KLHL32: variants seen among roughly 807,000 people sequenced by gnomAD.
KLHL32 encodes kelch-like protein 32.
In KLHL32, 35 loss-of-function variants were observed where a neutral mutation model predicts 64.8. The observed-to-expected ratio is 0.54, with a 90% confidence interval of 0.41 to 0.72. KLHL32 has a LOEUF of 0.72. Ranked by LOEUF, KLHL32 falls within the 30% of genes least tolerant of loss-of-function variation. The pLI is 0.00. For synonymous variants in KLHL32, 259 were observed against 281.0 expected (o/e 0.92, Z 0.78); for missense variants, 589 against 768.5 (o/e 0.77, Z 2.76).
At chr6:97,091,981 C>CTTTTTTTTTTTTTT (rs11340950) in intron 6 of KLHL32, among the ~76,000 whole-genome samples, 4 of 132,380 alleles carry the variant, frequency 3.0e-5, no homozygotes, top group Non-Finnish European at 3.3e-5. Context: ...CTCTTTCTTT[C>CTTTTTTTTTTTTTT]TTTTTTTTTT....
intron 10 of KLHL32, among the ~76,000 whole-genome samples, chr6:97,138,832 G>A (rs904637789): frequency 6.6e-6 from 1 of 152,184 alleles, no homozygotes; most frequent in Non-Finnish European, 1.5e-5. Flanking sequence ...GTCTAAGGCA[G>A]TTTTCTTAAA....
At chr6:96,932,559 CA>C (rs1770041082) in intron 1 of KLHL32, among the ~76,000 whole-genome samples, 1 of 132,720 alleles carries the variant, frequency 7.5e-6, no homozygotes. Flanking sequence ...ACAAAGTTGT[CA>C]ATTTCCCCCC....
chr6:97,134,991 A>T (rs1433218443), intron 10 of KLHL32, among the ~76,000 whole-genome samples: 1 of 152,222 alleles, frequency 6.6e-6, no homozygotes, highest in Admixed American at 6.5e-5. Flanking sequence ...TCCACAAGAA[A>T]TGAAGAGGTA....
chr6:97,071,739 T>G (rs938379439), intron 5 of KLHL32, among the ~76,000 whole-genome samples: 3 of 152,196 alleles, frequency 2.0e-5, no homozygotes, highest in Non-Finnish European at 4.4e-5. Context: ...TAGTGTTGGT[T>G]TAGCCATTTA....
chr6:97,095,324 T>A (rs1441929960), intron 6 of KLHL32, among the ~76,000 whole-genome samples: 1 of 152,142 alleles, frequency 6.6e-6, no homozygotes, highest in Non-Finnish European at 1.5e-5. Context: ...TCCAATAAAG[T>A]GTAAATAATG....
chr6:97,019,015 A>T (rs2128102350), intron 3 of KLHL32, among the ~76,000 whole-genome samples: 1 of 152,240 alleles, frequency 6.6e-6, no homozygotes, highest in East Asian at 1.9e-4. Flanking sequence ...ATAGTTAAGT[A>T]GGTTGTTCTG....
chr6:96,905,515 G>T, the KLHL32 span, among the ~76,000 whole-genome samples: 4 of 152,172 alleles, frequency 2.6e-5, no homozygotes, highest in Admixed American at 2.0e-4. Flanking sequence ...CTGAATCTTG[G>T]TTCTATCACT....
At chr6:97,125,095 C>T (rs1798741516) in intron 7 of KLHL32, among the ~76,000 whole-genome samples, 1 of 152,172 alleles carries the variant, frequency 6.6e-6, no homozygotes, top group Non-Finnish European at 1.5e-5. Context: ...GTGGATTTCT[C>T]TGCAGACAAA....
intron 6 of KLHL32, among the ~76,000 whole-genome samples, chr6:97,107,031 A>G (rs912861962): frequency 7.9e-5 from 12 of 152,238 alleles, no homozygotes; most frequent in Admixed American, 4.6e-4. Context: ...GGTGGCTCAC[A>G]CCTGTAATCC....
intron 3 of KLHL32, among the ~76,000 whole-genome samples, chr6:97,014,235 C>T (rs145201887): frequency 0.032 from 4,759 of 150,836 alleles, 226 homozygotes; most frequent in African/African-American, 0.11. Context: ...GCGGAGCTTG[C>T]AGTGAGCCGA....
chr6:97,136,287 G>A (rs990307009), intron 10 of KLHL32, among the ~76,000 whole-genome samples: 1 of 152,130 alleles, frequency 6.6e-6, no homozygotes, highest in Non-Finnish European at 1.5e-5. Flanking sequence ...TGATTTGTAG[G>A]ATTCAACCAC....
intron 3 of KLHL32, among the ~76,000 whole-genome samples, chr6:96,981,875 A>C (rs1776355171): frequency 6.6e-6 from 1 of 152,046 alleles, no homozygotes; most frequent in African/African-American, 2.4e-5. Context: ...TGATTTTCCT[A>C]GTATTGATTT....
chr6:96,984,833 C>T (rs1266290494), intron 3 of KLHL32, among the ~76,000 whole-genome samples: 1 of 152,108 alleles, frequency 6.6e-6, no homozygotes, highest in African/African-American at 2.4e-5. Context: ...TCCAATTTGC[C>T]AGTCTGTGTC....
At chr6:97,104,236 C>T (rs924800309) in intron 6 of KLHL32, among the ~76,000 whole-genome samples, 2 of 152,180 alleles carry the variant, frequency 1.3e-5, no homozygotes, top group African/African-American at 4.8e-5. Flanking sequence ...TCATGCACCC[C>T]CACTAAATAT....
At chr6:97,019,565 AAGTCGGTCTGC>A in intron 3 of KLHL32, among the ~76,000 whole-genome samples, 1 of 152,210 alleles carries the variant, frequency 6.6e-6, no homozygotes, top group Non-Finnish European at 1.5e-5. Flanking sequence ...CTGGCAGGTG[AAGTCGGTCTGC>A]CCACAGTTCT....
intron 5 of KLHL32, among the ~76,000 whole-genome samples, chr6:97,068,009 GACAC>G (rs60482205): frequency 0.67 from 100,710 of 149,860 alleles, 34,701 homozygotes; most frequent in Middle Eastern, 0.79. Context: ...ACTTCATACA[GACAC>G]ACACACACAC....
chr6:97,130,857 A>G lies in KLHL32; in HGVS notation c.1514A>G (p.Asp505Gly). The change falls in exon 9 of 11, where the codon GAC becomes GGC. Residue 505 changes from aspartate to glycine, a missense_variant. Physicochemically the swap from Asp to Gly is moderately conservative, Grantham distance 94 (BLOSUM62 -1). This residue lies in a region of KLHL32 where 172 missense variants were observed against 192.0 expected (regional missense o/e 0.90). Coordinates refer to ENST00000369261, the MANE Select transcript of KLHL32 (RefSeq NM_052904.4). ...TATGTTCTTGGAGGCAATGACCTAG[A>G]CTACAATAATGACCGGATCCTTGTG... is the stretch of plus-strand genomic sequence containing the variant. The part of the protein sequence containing the change: ...KLYVLGGNDL[D>G]YNNDRILVRH... 3.1e-6 allele frequency: 5 copies of G among 1,614,160 alleles called. No homozygotes were observed. The highest frequency in any genetic ancestry group is 4.2e-6 in the Non-Finnish European group (5 of 1,179,978).
intron 5 of KLHL32, among the ~76,000 whole-genome samples, chr6:97,071,502 TCTGGGGAGGGTTA>T (rs1790709043): frequency 6.6e-6 from 1 of 152,140 alleles, no homozygotes; most frequent in Non-Finnish European, 1.5e-5. Flanking sequence ...CTTTCATGCA[TCTGGGGAGGGTTA>T]CTGACTCCAG....
intron 1 of KLHL32, among the ~76,000 whole-genome samples, chr6:96,945,576 G>T (rs1771820784): frequency 6.6e-6 from 1 of 152,212 alleles, no homozygotes; most frequent in South Asian, 2.1e-4. Context: ...AAAGAGAGGG[G>T]TGCTTTAAAA....
Sources: allele counts gnomAD v4.1 joint callset (sites outside exome capture counted in the v4.1 genomes callset), GRCh38; gene constraint gnomAD v4.1.1; regional missense constraint gnomAD v4.1.1; transcripts MANE v1.5; gene names NCBI Gene and HGNC (gene_info 2026-07-23, HGNC 2026-07-21).